SUPV3L1: variants seen among roughly 807,000 people sequenced by gnomAD.
SUPV3L1 encodes ATP-dependent RNA helicase SUPV3L1, mitochondrial.
In SUPV3L1, 35 loss-of-function variants were observed where a neutral mutation model predicts 70.0. The observed-to-expected ratio is 0.50, with a 90% CI of 0.38 to 0.66. SUPV3L1 has a LOEUF of 0.66. Among genes scored for constraint, SUPV3L1 ranks in the 30% least tolerant of loss-of-function variants. The probability of loss-of-function intolerance (pLI) is 0.00; values close to 1 mark genes in which losing one functional copy is unlikely to be tolerated. For synonymous variants in SUPV3L1, 364 were observed against 341.9 expected (o/e 1.06, Z -0.71); for missense variants, 777 against 961.5 (o/e 0.81, Z 2.54).
intron 3 of SUPV3L1, among the ~76,000 whole-genome samples, chr10:69,186,979 G>A (rs1375978769): frequency 6.6e-6 from 1 of 152,030 alleles, no homozygotes; most frequent in African/African-American, 2.4e-5. Flanking sequence ...CCTGTACCTT[G>A]TGCCCAGCAC....
intron 6 of SUPV3L1, chr10:69,192,504 G>C (rs1287020888): frequency 6.6e-6 from 1 of 152,090 alleles, no homozygotes; most frequent in East Asian, 1.9e-4. Context: ...CCACTTGCTT[G>C]TTTACTCCAC....
chr10:69,184,362 C>CT (rs1196127486), intron 1 of SUPV3L1, among the ~76,000 whole-genome samples: 1 of 152,034 alleles, frequency 6.6e-6, no homozygotes, highest in Non-Finnish European at 1.5e-5. Flanking sequence ...AACCCTGTCT[C>CT]TACTAAAAAT....
chr10:69,207,201 C>CT (rs200192636), intron 13 of SUPV3L1, among the ~76,000 whole-genome samples: 31 of 146,908 alleles, frequency 2.1e-4, no homozygotes, highest in Non-Finnish European at 2.4e-4. Flanking sequence ...TCTACAGCTT[C>CT]TTTTTTTTTT....
rs199512975 is a variant in SUPV3L1 at position 69,191,633 on chromosome 10, A to C, written c.742-22A>C. ...TTTTTGCATTATTTTCAATAATTCT[A>C]GTTTTTTTTCTGTCTTTCTAGGGTG... On this transcript the variant is annotated intron_variant, in intron 5 of 14. Coordinates refer to ENST00000359655, the MANE Select transcript of SUPV3L1 (RefSeq NM_003171.5). 5.7e-6 allele frequency: 9 copies of C among 1,590,514 alleles called. No homozygotes were observed. The African/African-American group carries it at 9.4e-5, about 17-fold the overall frequency.
At chr10:69,191,589 G>C (rs904951368) in intron 5 of SUPV3L1, 66 bp from the exon 6 acceptor site, 4 of 1,394,614 alleles carry the variant, frequency 2.9e-6, no homozygotes, top group Non-Finnish European at 4.0e-6. Flanking sequence ...AGAACACCCT[G>C]TTAAATATCC....
intron 13 of SUPV3L1, among the ~76,000 whole-genome samples, chr10:69,206,761 C>T (rs1382707311): frequency 6.6e-6 from 1 of 152,186 alleles, no homozygotes; most frequent in African/African-American, 2.4e-5. Flanking sequence ...GTAATCCCAG[C>T]ACTTTGGGAG....
intron 6 of SUPV3L1, 43 bp downstream of exon 6, chr10:69,191,809 ATT>A (rs370229180): frequency 1.3e-3 from 1,506 of 1,160,716 alleles, no homozygotes; most frequent in African/African-American, 1.6e-3. Flanking sequence ...GGTATTTTTA[ATT>A]TTTTTTTTTT....
intron 7 of SUPV3L1, among the ~76,000 whole-genome samples, chr10:69,196,411 A>C (rs544568295): frequency 6.6e-6 from 1 of 152,074 alleles, no homozygotes; most frequent in South Asian, 2.1e-4. Context: ...GAATCACTTG[A>C]GCCTGGAAAG....
chr10:69,198,294 A>G, intron 8 of SUPV3L1, 78 bp from the exon 9 acceptor site: 1 of 1,362,262 alleles, frequency 7.3e-7, no homozygotes, highest in South Asian at 1.4e-5. Context: ...TAACTGCATT[A>G]CAATCTTTTC....
rs747183620 is a variant in SUPV3L1 at position 69,198,383 on chromosome 10, T to A, written c.1035T>A (p.Tyr345Ter). The stretch of plus-strand genomic sequence containing the variant: ...TGTCTTTATTGTAGGTTCGAGACTA[T>A]AAGAGGCTTACCCCCATTTCTGTGC... Reference protein sequence around the residue: ...TTGEEVEVRDYKRLTPISVLD... With the variant: ...TTGEEVEVRD The change falls in exon 9 of 15, where the codon TAT becomes TAA. Residue 345 changes from tyrosine to a stop codon, truncating the protein, a stop_gained. Transcript: ENST00000359655. LOFTEE classifies it high-confidence loss of function. 6.2e-7 allele frequency: 1 copy of A among 1,606,792 alleles called. No homozygotes were observed. Among genetic ancestry groups the A allele is most frequent in the South Asian group, 1.1e-5 (1 of 89,344 alleles).
intron 4 of SUPV3L1, 45 bp downstream of exon 4, chr10:69,187,801 T>C: frequency 7.8e-7 from 1 of 1,284,152 alleles, no homozygotes; most frequent in Non-Finnish European, 1.1e-6. Flanking sequence ...GTTTCTAATC[T>C]TGGATGATTC....
Position 69,180,432 on chromosome 10 carries a change from C to G in SUPV3L1, c.141C>G (p.Thr47=), listed in dbSNP as rs755086665. Residue 47 remains threonine, a synonymous_variant, in exon 1 of 15, where the codon ACC becomes ACG. Transcript: ENST00000359655. ...TGGGGCAAGTTTCTGTCCTTGCCACCGCCTCCTCCTCTGCCTCCGGTGGCT... is the reference window on the plus strand; with the variant it reads ...TGGGGCAAGTTTCTGTCCTTGCCACGGCCTCCTCCTCTGCCTCCGGTGGCT... ...GVLGQVSVLA[T]ASSSASGGSK... The G allele has an allele frequency of 6.2e-7, 1 of 1,614,144 alleles. No homozygotes were observed. The highest frequency in any genetic ancestry group is 1.3e-5 in the African/African-American group (1 of 74,958).
intron 13 of SUPV3L1, among the ~76,000 whole-genome samples, chr10:69,203,663 C>CAAAA (rs1307849343): frequency 2.3e-5 from 2 of 88,790 alleles, no homozygotes; most frequent in Non-Finnish European, 4.4e-5. Flanking sequence ...GACTCTGTCT[C>CAAAA]AAAAAAAAAA....
rs1325375636 is a variant in SUPV3L1, at chr10:69,180,259, G to A, written c.-33G>A. The A allele has an allele frequency of 6.3e-7, 1 of 1,590,764 alleles. No homozygotes were observed. The highest frequency in any genetic ancestry group is 1.3e-5 in the African/African-American group (1 of 74,222). On this transcript the variant is annotated 5_prime_UTR_variant, in exon 1 of 15. Coordinates refer to ENST00000359655, the MANE Select transcript of SUPV3L1 (RefSeq NM_003171.5). The stretch of plus-strand genomic sequence containing the variant: ...GTCACTGTCCGCCGCCGTGTCCGCG[G>A]CTGCGCCAGACAGTGTAGAACCTGC...
rs754410881 is a variant in SUPV3L1, at chr10:69,208,583, A to G, written c.1926-17A>G. 2 of 1,605,070 alleles carry G rather than the reference A, an allele frequency of 1.2e-6. No individual in the cohort carries two copies. Among genetic ancestry groups the G allele is most frequent in the Non-Finnish European group, 1.7e-6 (2 of 1,174,064 alleles). On this transcript the variant is annotated splice_polypyrimidine_tract_variant and intron_variant, in intron 14 of 14. Coordinates refer to ENST00000359655, the MANE Select transcript of SUPV3L1 (RefSeq NM_003171.5). ...GATAAGAGCTGTTGCTATAATGCTA[A>G]TGTGTCTTTTTCCCAGCTACCGATT... is the stretch of plus-strand genomic sequence containing the variant.
At chr10:69,204,540 ACT>A (rs914507366) in intron 13 of SUPV3L1, among the ~76,000 whole-genome samples, 3 of 152,140 alleles carry the variant, frequency 2.0e-5, no homozygotes, top group African/African-American at 7.2e-5. Flanking sequence ...ACATAGCAAG[ACT>A]CTGCCCTTTA....
intron 11 of SUPV3L1, among the ~76,000 whole-genome samples, chr10:69,201,657 C>G (rs1481691660): frequency 1.3e-5 from 2 of 151,544 alleles, no homozygotes; most frequent in Middle Eastern, 3.2e-3. Flanking sequence ...ACCTCAGCCT[C>G]TTGAGCAGCT....
At chr10:69,202,570 G>C (rs770028447) in intron 12 of SUPV3L1, 51 bp downstream of exon 12, 2 of 1,506,302 alleles carry the variant, frequency 1.3e-6, no homozygotes, top group Non-Finnish European at 1.8e-6. Flanking sequence ...GATATGTCAG[G>C]TGATTACTGG....
chr10:69,186,730 C>G (rs891218225), intron 3 of SUPV3L1, among the ~76,000 whole-genome samples, 180 bp downstream of exon 3: 2 of 152,126 alleles, frequency 1.3e-5, no homozygotes, highest in Non-Finnish European at 2.9e-5. Flanking sequence ...TATTGGGTCC[C>G]TGAGCTGGTT....
Sources: allele counts gnomAD v4.1 joint callset (sites outside exome capture counted in the v4.1 genomes callset), GRCh38; gene constraint gnomAD v4.1.1; transcripts MANE v1.5; gene names NCBI Gene and HGNC (gene_info 2026-07-23, HGNC 2026-07-21).